Variants in TMEM117 observed in about 807,000 individuals in gnomAD.
The protein encoded by TMEM117 is transmembrane protein 117.
In TMEM117, 27 loss-of-function variants were observed where a neutral mutation model predicts 52.4. The observed-to-expected ratio is 0.51, with a 90% confidence interval of 0.38 to 0.71. TMEM117 has a LOEUF of 0.71. Ranked by LOEUF, TMEM117 falls within the 30% of genes least tolerant of loss-of-function variation. TMEM117 has a pLI of 0.00. For missense variants in TMEM117, 556 were observed against 630.5 expected (o/e 0.88, Z 1.26); for synonymous variants, 215 against 206.3 (o/e 1.04, Z -0.36).
At chr12:43,944,138 TTAAAA>T (rs1945089246) in intron 2 of TMEM117, 67 bp from the exon 3 acceptor site, 2 of 1,357,404 alleles carry the variant, frequency 1.5e-6, no homozygotes, top group Non-Finnish European at 2.0e-6. Context: ...AAAAGATTCA[TTAAAA>T]TAAAGCAAAG....
intron 2 of TMEM117, among the ~76,000 whole-genome samples, chr12:43,864,797 G>T (rs563802051): frequency 6.6e-6 from 1 of 151,566 alleles, no homozygotes; most frequent in South Asian, 2.1e-4. Flanking sequence ...GCCAGCAGGG[G>T]GTCCACACTG....
intron 2 of TMEM117, among the ~76,000 whole-genome samples, chr12:43,878,972 G>T (rs149245517): frequency 1.6e-4 from 25 of 152,210 alleles, no homozygotes; most frequent in Admixed American, 1.4e-3. Context: ...TACTTGATTA[G>T]CCAGTAATAC....
chr12:44,195,305 T>C (rs115954838), intron 4 of TMEM117, among the ~76,000 whole-genome samples: 1,751 of 152,314 alleles, frequency 0.011, 23 homozygotes, highest in South Asian at 0.052. Flanking sequence ...TTTCAAATTG[T>C]CTATTCCATG....
At chr12:43,899,088 T>G (rs1944261540) in intron 2 of TMEM117, among the ~76,000 whole-genome samples, 1 of 152,234 alleles carries the variant, frequency 6.6e-6, no homozygotes, top group African/African-American at 2.4e-5. Flanking sequence ...CCTTTCATAC[T>G]GCTGAGAATT....
At chr12:44,211,989 C>G (rs1417309489) in intron 5 of TMEM117, among the ~76,000 whole-genome samples, 3 of 152,196 alleles carry the variant, frequency 2.0e-5, no homozygotes, top group African/African-American at 7.2e-5. Flanking sequence ...GGCTGTGGGA[C>G]ACTCCCCAAG....
At chr12:43,902,731 CCATT>C (rs2137509056) in intron 2 of TMEM117, among the ~76,000 whole-genome samples, 1 of 152,196 alleles carries the variant, frequency 6.6e-6, no homozygotes, top group South Asian at 2.1e-4. Flanking sequence ...TTTAACACTT[CCATT>C]TAATGGATAG....
At chr12:43,853,095 A>G (rs1943339164) in intron 2 of TMEM117, among the ~76,000 whole-genome samples, 1 of 152,140 alleles carries the variant, frequency 6.6e-6, no homozygotes, top group African/African-American at 2.4e-5. Flanking sequence ...TATTTGTATA[A>G]TGTTTCATTA....
At chr12:44,367,881 C>A (rs1951811014) in intron 6 of TMEM117, among the ~76,000 whole-genome samples, 1 of 152,152 alleles carries the variant, frequency 6.6e-6, no homozygotes. Flanking sequence ...CTTCAAAATA[C>A]ACCTTGATCC....
chr12:44,182,028 CT>C lies in TMEM117; in HGVS notation c.511-29260del, dbSNP rs999756438. ...ATTTGTTTGTATCCTCTTTTACTTCCTTGAGCAGTGGTTTGTAGTTCTCCTT... is the reference window on the plus strand; with the variant it reads ...ATTTGTTTGTATCCTCTTTTACTTCCTGAGCAGTGGTTTGTAGTTCTCCTT... On this transcript the variant is annotated intron_variant, in intron 4 of 7. Coordinates refer to ENST00000266534, the MANE Select transcript of TMEM117 (RefSeq NM_032256.3). Among the ~76,000 whole-genome samples, 69 of 151,646 alleles carry C rather than the reference CT, an allele frequency of 4.6e-4. 1 individual carries two copies. The highest frequency in any genetic ancestry group is 1.6e-3 in the African/African-American group (67 of 41,034).
intron 1 of TMEM117, among the ~76,000 whole-genome samples, chr12:43,837,167 T>C (rs1313372920): frequency 6.6e-6 from 1 of 152,188 alleles, no homozygotes; most frequent in Non-Finnish European, 1.5e-5. Context: ...ATCCCTCCTA[T>C]TCCACCCTCC....
chr12:43,841,841 A>G (rs554886195), intron 1 of TMEM117, among the ~76,000 whole-genome samples: 2 of 152,236 alleles, frequency 1.3e-5, no homozygotes, highest in African/African-American at 4.8e-5. Context: ...GATAGGAATG[A>G]TAATAATGGT....
intron 3 of TMEM117, among the ~76,000 whole-genome samples, chr12:44,130,756 G>T (rs1161885199): frequency 6.7e-6 from 1 of 150,010 alleles, no homozygotes; most frequent in Non-Finnish European, 1.5e-5. Context: ...ATTTGTAAAT[G>T]TTTTTTTTTC....
intron 4 of TMEM117, among the ~76,000 whole-genome samples, chr12:44,171,549 A>C (rs1355518662): frequency 6.6e-6 from 1 of 152,126 alleles, no homozygotes; most frequent in South Asian, 2.1e-4. Context: ...TTCTTAGAAC[A>C]TATTTTTGAA....
At chr12:44,242,691 T>TA in intron 5 of TMEM117, among the ~76,000 whole-genome samples, 1 of 148,038 alleles carries the variant, frequency 6.8e-6, no homozygotes, top group Non-Finnish European at 1.5e-5. Flanking sequence ...ATACATATTA[T>TA]ATATGTATAT....
intron 5 of TMEM117, among the ~76,000 whole-genome samples, chr12:44,254,054 T>C (rs1186246507): frequency 7.0e-6 from 1 of 143,774 alleles, no homozygotes; most frequent in Non-Finnish European, 1.5e-5. Flanking sequence ...ACCAACTCAA[T>C]GACAACAATA....
At chr12:43,842,502 C>CA (rs1279614376) in intron 1 of TMEM117, among the ~76,000 whole-genome samples, 3 of 152,082 alleles carry the variant, frequency 2.0e-5, no homozygotes, top group Non-Finnish European at 4.4e-5. Context: ...ATAGTCATGA[C>CA]AAGTCCTCAT....
intron 3 of TMEM117, among the ~76,000 whole-genome samples, chr12:43,969,805 T>C: frequency 6.6e-6 from 1 of 152,112 alleles, no homozygotes; most frequent in South Asian, 2.1e-4. Context: ...AACCTCTTTC[T>C]CTCTCCATCC....
intron 4 of TMEM117, among the ~76,000 whole-genome samples, chr12:44,147,931 C>CAA (rs61271123): frequency 1.5e-4 from 9 of 61,772 alleles, no homozygotes; most frequent in African/African-American, 1.8e-4. Context: ...GACTCTGTCT[C>CAA]AAAAAAAAAA....
chr12:44,383,783 CT>C (rs925918606), intron 7 of TMEM117, among the ~76,000 whole-genome samples: 1 of 152,252 alleles, frequency 6.6e-6, no homozygotes, highest in Non-Finnish European at 1.5e-5. Context: ...TAAATCCTTT[CT>C]ATCTGGGTCA....
Sources: gnomAD v4.1 joint callset for allele counts (sites outside exome capture counted in the v4.1 genomes callset) on GRCh38, gnomAD v4.1.1 for gene constraint, MANE v1.5 for transcripts, NCBI Gene and HGNC (gene_info 2026-07-23, HGNC 2026-07-21) for gene names.